The following RABGAP1L variants were observed in gnomAD, a reference collection of about 807,000 sequenced individuals.
The protein encoded by RABGAP1L is rab GTPase-activating protein 1-like.
A neutral mutation model predicts 137.7 loss-of-function variants in RABGAP1L; 63 were observed. The ratio of observed to expected loss-of-function variants is 0.46; its 90% CI spans 0.37 to 0.56. The LOEUF (loss-of-function observed/expected upper bound fraction) is 0.56. Among genes scored for constraint, RABGAP1L ranks in the 20% least tolerant of loss-of-function variants. The pLI, the probability that RABGAP1L is intolerant of heterozygous loss-of-function variation, is 0.00. For missense variants in RABGAP1L, 1,095 were observed against 1,244.0 expected (o/e 0.88, Z 1.80); for synonymous variants, 431 against 433.7 (o/e 0.99, Z 0.08).
At chr1:174,421,394 G>A (rs1326632793) in intron 13 of RABGAP1L, among the ~76,000 whole-genome samples, 1 of 152,120 alleles carries the variant, frequency 6.6e-6, no homozygotes, top group Non-Finnish European at 1.5e-5. Flanking sequence ...TCTCTACAGT[G>A]CAGCTGAAGA....
rs554412785 is a variant in RABGAP1L at position 174,439,102 on chromosome 1, T to C, written c.1710+44957T>C. 4.6e-5 allele frequency among the ~76,000 whole-genome samples: 7 copies of C among 151,940 alleles called. No homozygotes were observed. The South Asian group carries it at 1.5e-3, about 32-fold the overall frequency. On this transcript the variant is annotated intron_variant, in intron 13 of 25. Coordinates refer to ENST00000681986, the MANE Select transcript of RABGAP1L (RefSeq NM_001366446.1). ...GCTGGGACCTCTAGTACAATGTGTATAGATGTGTAAGAGCAGATATCCTTC... is the reference window on the plus strand; with the variant it reads ...GCTGGGACCTCTAGTACAATGTGTACAGATGTGTAAGAGCAGATATCCTTC...
intron 12 of RABGAP1L, among the ~76,000 whole-genome samples, chr1:174,376,232 AAAG>A (rs144766286): frequency 0.016 from 2,424 of 151,750 alleles, 67 homozygotes; most frequent in African/African-American, 0.056. Flanking sequence ...GAAGGAAAGG[AAAG>A]AAGGAAGGAA....
intron 13 of RABGAP1L, among the ~76,000 whole-genome samples, chr1:174,550,905 C>T (rs1377312014): frequency 3.6e-4 from 29 of 81,476 alleles, no homozygotes; most frequent in African/African-American, 1.6e-3. Context: ...TACACACACA[C>T]ATATACACAC....
chr1:174,426,281 AT>A, intron 13 of RABGAP1L, among the ~76,000 whole-genome samples: 1 of 152,214 alleles, frequency 6.6e-6, no homozygotes, highest in South Asian at 2.1e-4. Context: ...GGAAAATGTA[AT>A]TCAACCCATT....
rs1202109014 is a variant in RABGAP1L, at chr1:174,220,962, G to A, written c.139-10G>A. 6.3e-7 allele frequency: 1 copy of A among 1,585,206 alleles called. No individual in the cohort carries two copies. The highest frequency in any genetic ancestry group is 8.6e-7 in the Non-Finnish European group (1 of 1,165,004). ...AGAATTGAAACAGAATTGTCTTGCT[G>A]TGTCTGTAGATAGTTTCTAATGGTG... is the stretch of plus-strand genomic sequence containing the variant. On this transcript the variant is annotated splice_polypyrimidine_tract_variant and intron_variant, in intron 2 of 25. Transcript: ENST00000681986.
At chr1:174,938,204 G>A (rs927458588) in intron 19 of RABGAP1L, among the ~76,000 whole-genome samples, 1 of 152,118 alleles carries the variant, frequency 6.6e-6, no homozygotes, top group Non-Finnish European at 1.5e-5. Context: ...TTGAATTCAG[G>A]TGATTTGGAT....
At chr1:174,240,249 G>GT (rs1671685371) in intron 4 of RABGAP1L, among the ~76,000 whole-genome samples, 1 of 151,580 alleles carries the variant, frequency 6.6e-6, no homozygotes, top group East Asian at 1.9e-4. Flanking sequence ...TTGTTTTTGT[G>GT]TTTGTTTTTG....
intron 13 of RABGAP1L, among the ~76,000 whole-genome samples, chr1:174,565,239 T>C (rs1667491901): frequency 6.6e-6 from 1 of 152,164 alleles, no homozygotes; most frequent in Admixed American, 6.6e-5. Context: ...ATCAATTTTA[T>C]TCTAATCTAA....
chr1:174,298,222 C>A (rs1677310608), intron 10 of RABGAP1L, among the ~76,000 whole-genome samples: 1 of 152,154 alleles, frequency 6.6e-6, no homozygotes, highest in East Asian at 1.9e-4. Context: ...GGAAGAGCGT[C>A]CTCTTTCCGT....
intron 11 of RABGAP1L, among the ~76,000 whole-genome samples, chr1:174,364,804 G>C (rs1558168524): frequency 6.6e-6 from 1 of 152,134 alleles, no homozygotes; most frequent in Non-Finnish European, 1.5e-5. Context: ...GGGTATCAGT[G>C]GTGGTTGTTC....
chr1:174,161,219 G>GTAGTAT (rs1553245473), intron 1 of RABGAP1L, among the ~76,000 whole-genome samples: 3 of 145,306 alleles, frequency 2.1e-5, no homozygotes, highest in Admixed American at 6.9e-5. Context: ...GCTCTGATGT[G>GTAGTAT]TATTATTATT....
chr1:174,465,484 G>A (rs1657191729), intron 13 of RABGAP1L, among the ~76,000 whole-genome samples: 1 of 152,170 alleles, frequency 6.6e-6, no homozygotes, highest in African/African-American at 2.4e-5. Flanking sequence ...ACAGGCATGA[G>A]CCACCATGCC....
chr1:174,938,595 G>A (rs1434132191), intron 19 of RABGAP1L: 1 of 152,256 alleles, frequency 6.6e-6, no homozygotes, highest in East Asian at 1.9e-4. Flanking sequence ...ATCCCATTGA[G>A]TGTTTTTCCT....
At chr1:174,896,600 T>C (rs1657222223) in intron 19 of RABGAP1L, among the ~76,000 whole-genome samples, 1 of 152,242 alleles carries the variant, frequency 6.6e-6, no homozygotes, top group Admixed American at 6.5e-5. Context: ...TTAATCCATC[T>C]TGAATTAATT....
intron 13 of RABGAP1L, among the ~76,000 whole-genome samples, chr1:174,498,707 C>T (rs1252667202): frequency 4.3e-5 from 6 of 139,762 alleles, no homozygotes; most frequent in Admixed American, 7.4e-5. Flanking sequence ...GATGGGGTTT[C>T]ACCCTATTGG....
intron 18 of RABGAP1L, among the ~76,000 whole-genome samples, chr1:174,765,182 T>C (rs1185746969): frequency 6.6e-6 from 1 of 152,190 alleles, no homozygotes; most frequent in Non-Finnish European, 1.5e-5. Flanking sequence ...ACACTTGTTA[T>C]TGTCTACTTT....
At chr1:174,549,909 G>A (rs961171711) in intron 13 of RABGAP1L, among the ~76,000 whole-genome samples, 14 of 152,164 alleles carry the variant, frequency 9.2e-5, no homozygotes, top group Non-Finnish European at 1.3e-4. Context: ...GGCATTCCCT[G>A]TAGATCCAGC....
chr1:174,631,356 A>G (rs1178831866), intron 13 of RABGAP1L, among the ~76,000 whole-genome samples: 1 of 139,122 alleles, frequency 7.2e-6, no homozygotes, highest in Non-Finnish European at 1.5e-5. Flanking sequence ...GTGCTGAAAA[A>G]AATGTATATT....
intron 11 of RABGAP1L, among the ~76,000 whole-genome samples, chr1:174,329,481 A>G (rs1393648701): frequency 2.0e-5 from 3 of 152,174 alleles, no homozygotes; most frequent in Non-Finnish European, 4.4e-5. Flanking sequence ...AACCCATTTT[A>G]TGAGACCAGC....
Sources: gnomAD v4.1 joint callset for allele counts (sites outside exome capture counted in the v4.1 genomes callset) on GRCh38, gnomAD v4.1.1 for gene constraint, MANE v1.5 for transcripts, NCBI Gene and HGNC (gene_info 2026-07-23, HGNC 2026-07-21) for gene names.